Variants in ALK observed in about 807,000 individuals in gnomAD.
ALK encodes the protein ALK receptor tyrosine kinase.
A neutral mutation model predicts 163.1 loss-of-function variants in ALK; 74 were observed. That is an observed-to-expected ratio of 0.45 (90% CI 0.38 to 0.55). The LOEUF is 0.55. Among genes scored for constraint, ALK ranks in the 20% least tolerant of loss-of-function variants. ALK has a pLI of 0.00. For missense variants in ALK, 2,063 were observed against 2,105.3 expected (o/e 0.98, Z 0.39); for synonymous variants, 960 against 843.2 (o/e 1.14, Z -2.40).
chr2:29,497,298 A>AT (rs1238927402), intron 4 of ALK, among the ~76,000 whole-genome samples: 1 of 151,302 alleles, frequency 6.6e-6, no homozygotes, highest in African/African-American at 2.4e-5. Context: ...AAATCTGATG[A>AT]TTGTGGTCAT....
chr2:29,562,123 A>C (rs1280219571), intron 3 of ALK, among the ~76,000 whole-genome samples: 1 of 152,234 alleles, frequency 6.6e-6, no homozygotes, highest in African/African-American at 2.4e-5. Flanking sequence ...TTCTAGGCAG[A>C]CAGCCAGTTT....
rs1292156818 is a variant in ALK, at chr2:29,792,277, G to A, written c.668-74580C>T. ...AACAGTTGCAGAAGGTAGATAGATG[G>A]AATAATGGAACATTCCAGTGGAGAC... On this transcript the variant is annotated intron_variant, in intron 1 of 28. Coordinates refer to ENST00000389048, the MANE Select transcript of ALK (RefSeq NM_004304.5). Among the ~76,000 whole-genome samples, 5 of 152,126 alleles carry A rather than the reference G, an allele frequency of 3.3e-5. No individual in the cohort carries two copies. The East Asian group carries it at 9.6e-4, about 29-fold the overall frequency.
At chr2:29,204,709 C>T (rs1339037969) in intron 26 of ALK, among the ~76,000 whole-genome samples, 1 of 152,210 alleles carries the variant, frequency 6.6e-6, no homozygotes, top group Non-Finnish European at 1.5e-5. Context: ...CCTGCCTCAG[C>T]CTCCTGAGTA....
intron 1 of ALK, among the ~76,000 whole-genome samples, chr2:29,863,044 G>A (rs572035502): frequency 2.0e-5 from 3 of 152,254 alleles, no homozygotes; most frequent in Middle Eastern, 3.4e-3. Context: ...AAGAGCATTG[G>A]GAAAACTGGG....
At chr2:29,701,206 T>C (rs1000629859) in intron 2 of ALK, among the ~76,000 whole-genome samples, 1 of 152,196 alleles carries the variant, frequency 6.6e-6, no homozygotes, top group Non-Finnish European at 1.5e-5. Flanking sequence ...CCAGAATCCC[T>C]TGGATCAAGG....
At chr2:29,795,672 C>T (rs1664290546) in intron 1 of ALK, among the ~76,000 whole-genome samples, 2 of 152,114 alleles carry the variant, frequency 1.3e-5, no homozygotes, top group South Asian at 2.1e-4. Context: ...ATGACTAAGA[C>T]TTTATGTAAT....
chr2:29,677,390 A>T (rs1008290638), intron 3 of ALK, among the ~76,000 whole-genome samples: 10 of 151,350 alleles, frequency 6.6e-5, no homozygotes, highest in Non-Finnish European at 8.8e-5. Flanking sequence ...TTAGTCTTTC[A>T]TTATTATGTT....
chr2:29,905,556 A>C (rs1031946573), intron 1 of ALK, among the ~76,000 whole-genome samples: 11 of 151,476 alleles, frequency 7.3e-5, no homozygotes, highest in African/African-American at 2.4e-4. Flanking sequence ...GGAAAGGGAA[A>C]AGGAAAGGGA....
chr2:29,730,255 GT>G (rs1679703643), intron 1 of ALK, among the ~76,000 whole-genome samples: 2 of 152,226 alleles, frequency 1.3e-5, no homozygotes, highest in Admixed American at 6.5e-5. Context: ...ATACACTAGT[GT>G]GTACCCTCAG....
At chr2:29,573,579 C>A (rs1365412901) in intron 3 of ALK, among the ~76,000 whole-genome samples, 1 of 152,152 alleles carries the variant, frequency 6.6e-6, no homozygotes. Context: ...CAGTGTCCAC[C>A]AAAATTTCAC....
At chr2:29,399,303 G>C (rs959012851) in intron 4 of ALK, among the ~76,000 whole-genome samples, 2 of 152,200 alleles carry the variant, frequency 1.3e-5, no homozygotes, top group African/African-American at 4.8e-5. Flanking sequence ...ACCTAGATCT[G>C]TCAAATTCCG....
At chr2:29,700,238 C>T (rs115027377) in intron 2 of ALK, among the ~76,000 whole-genome samples, 1,777 of 152,260 alleles carry the variant, frequency 0.012, 30 homozygotes, top group African/African-American at 0.041. Flanking sequence ...GGTTTGCCTC[C>T]AGATTCTCAA....
intron 5 of ALK, among the ~76,000 whole-genome samples, chr2:29,362,028 T>C (rs1668399558): frequency 6.6e-6 from 1 of 151,792 alleles, no homozygotes; most frequent in Admixed American, 6.6e-5. Context: ...CACAAAGGCT[T>C]AGGGGGTCAG....
chr2:29,570,581 A>G (rs991902125), intron 3 of ALK, among the ~76,000 whole-genome samples: 4 of 152,230 alleles, frequency 2.6e-5, no homozygotes, highest in Non-Finnish European at 5.9e-5. Flanking sequence ...GGTCTGCAGG[A>G]GCAGGCTCTG....
chr2:29,551,521 A>T (rs1345639159), intron 3 of ALK, among the ~76,000 whole-genome samples: 1 of 152,168 alleles, frequency 6.6e-6, no homozygotes, highest in East Asian at 1.9e-4. Flanking sequence ...TCCCATAGCC[A>T]CAAAGCTGAT....
At chr2:29,618,117 G>A (rs965320200) in intron 3 of ALK, among the ~76,000 whole-genome samples, 3 of 152,152 alleles carry the variant, frequency 2.0e-5, no homozygotes, top group Admixed American at 1.3e-4. Flanking sequence ...CTGCTCTTAG[G>A]TGCTGACCAA....
At chr2:29,784,713 A>C (rs11676934) in intron 1 of ALK, among the ~76,000 whole-genome samples, 8 of 150,720 alleles carry the variant, frequency 5.3e-5, no homozygotes, top group Non-Finnish European at 7.4e-5. Context: ...ACAACAACAA[A>C]AACAACAACA....
intron 4 of ALK, among the ~76,000 whole-genome samples, chr2:29,413,922 C>T (rs1343142393): frequency 1.3e-5 from 2 of 152,206 alleles, no homozygotes; most frequent in East Asian, 1.9e-4. Context: ...ACCTCGACCT[C>T]CCAAAGTGCT....
intron 2 of ALK, among the ~76,000 whole-genome samples, chr2:29,708,570 G>T (rs1322575619): frequency 1.3e-5 from 2 of 152,096 alleles, no homozygotes; most frequent in Non-Finnish European, 2.9e-5. Flanking sequence ...CAATCTGTGG[G>T]GCAGCAAAAC....
Sources: gnomAD v4.1 joint callset for allele counts (sites outside exome capture counted in the v4.1 genomes callset) on GRCh38, gnomAD v4.1.1 for gene constraint, MANE v1.5 for transcripts, NCBI Gene and HGNC (gene_info 2026-07-23, HGNC 2026-07-21) for gene names.